TMEM272: variants seen among roughly 807,000 people sequenced by gnomAD.
TMEM272 encodes the protein long intergenic non-protein coding RNA 282.
In TMEM272, 8 loss-of-function variants were observed where a neutral mutation model predicts 3.7. The ratio of observed to expected loss-of-function variants is 2.17; its 90% CI spans 1.27 to 3.91. The LOEUF is 3.91. TMEM272 is among the 30% of genes most tolerant of loss of function. The pLI is 0.00. For synonymous variants in TMEM272, 63 were observed against 39.8 expected (o/e 1.58, Z -2.20); for missense variants, 166 against 91.5 (o/e 1.81, Z -3.32).
chr13:51,905,966 G>A, the TMEM272 span, among the ~76,000 whole-genome samples: 256 of 152,340 alleles, frequency 1.7e-3, 1 homozygote, highest in African/African-American at 5.9e-3. Context: ...GACTCACCAG[G>A]ATGAAGCTCC....
the TMEM272 span, among the ~76,000 whole-genome samples, chr13:51,914,196 G>A: frequency 7.8e-3 from 1,183 of 152,340 alleles, 7 homozygotes; most frequent in African/African-American, 0.025. Flanking sequence ...ACAATCACCA[G>A]TTCCACGGGT....
the TMEM272 span, among the ~76,000 whole-genome samples, chr13:51,887,194 T>C: frequency 3.3e-5 from 5 of 152,210 alleles, no homozygotes; most frequent in South Asian, 6.2e-4. Flanking sequence ...GGTGGTCTTA[T>C]GGGGGAGTTG....
chr13:51,834,249 C>T (rs1956196545), intron 2 of TMEM272, among the ~76,000 whole-genome samples: 1 of 152,188 alleles, frequency 6.6e-6, no homozygotes, highest in Non-Finnish European at 1.5e-5. Flanking sequence ...AAACTGTGTC[C>T]TGGAAGCTAC....
At chr13:51,880,142 T>C in the TMEM272 span, among the ~76,000 whole-genome samples, 1 of 152,186 alleles carries the variant, frequency 6.6e-6, no homozygotes. Context: ...TTGAGAACAT[T>C]AGTAATAGAA....
upstream of TMEM272, among the ~76,000 whole-genome samples, chr13:51,848,125 A>G (rs1237931897): frequency 6.6e-6 from 1 of 152,224 alleles, no homozygotes; most frequent in Non-Finnish European, 1.5e-5. Context: ...GCCACGGAAG[A>G]GCTGAAAAGT....
chr13:51,909,320 A>G, the TMEM272 span: 2 of 924,352 alleles, frequency 2.2e-6, no homozygotes, highest in South Asian at 2.6e-5. Flanking sequence ...CTTCTTCAAG[A>G]TCTTTGGCTC....
intron 1 of TMEM272, 62 bp from the exon 2 acceptor site, chr13:51,838,615 C>T (rs972340574): frequency 5.7e-6 from 4 of 702,680 alleles, no homozygotes; most frequent in Middle Eastern, 2.3e-4. Context: ...CACCAATAAC[C>T]AACCCTCTCT....
At chr13:51,865,399 G>A in the TMEM272 span, 1 of 1,600,668 alleles carries the variant, frequency 6.2e-7, no homozygotes, top group Non-Finnish European at 8.5e-7. Flanking sequence ...CGCCATTCCG[G>A]CTGATAAGGA....
intron 2 of TMEM272, among the ~76,000 whole-genome samples, chr13:51,835,147 G>C (rs1956204373): frequency 6.6e-6 from 1 of 152,004 alleles, no homozygotes; most frequent in Non-Finnish European, 1.5e-5. Context: ...ATGTGGATAG[G>C]GACAGCACCA....
the TMEM272 span, among the ~76,000 whole-genome samples, chr13:51,925,280 A>G: frequency 6.6e-6 from 1 of 152,210 alleles, no homozygotes; most frequent in Non-Finnish European, 1.5e-5. Context: ...ACTGACTTCT[A>G]AAACTGATTA....
At chr13:51,887,904 C>T in the TMEM272 span, among the ~76,000 whole-genome samples, 1 of 152,186 alleles carries the variant, frequency 6.6e-6, no homozygotes, top group Non-Finnish European at 1.5e-5. Context: ...CCTCCCAATG[C>T]CCAGTCATCT....
intron 3 of TMEM272, among the ~76,000 whole-genome samples, chr13:51,822,799 T>C (rs1019528337): frequency 5.3e-5 from 8 of 152,256 alleles, no homozygotes; most frequent in Non-Finnish European, 1.2e-4. Context: ...CCTTTCTTAA[T>C]GGTAGTTTTT....
At chr13:51,867,943 C>T in the TMEM272 span, among the ~76,000 whole-genome samples, 1 of 152,140 alleles carries the variant, frequency 6.6e-6, no homozygotes, top group Admixed American at 6.5e-5. Context: ...AGAGATTCTG[C>T]CAAAGACAAA....
the TMEM272 span, among the ~76,000 whole-genome samples, chr13:51,915,079 AAGT>A: frequency 6.6e-6 from 1 of 152,254 alleles, no homozygotes; most frequent in African/African-American, 2.4e-5. Context: ...AAGAGCTGGA[AAGT>A]ACCGCAAAAA....
the TMEM272 span, among the ~76,000 whole-genome samples, chr13:51,904,623 G>A: frequency 6.6e-6 from 1 of 152,166 alleles, no homozygotes; most frequent in African/African-American, 2.4e-5. Flanking sequence ...TACAGGTTGA[G>A]CAATCCAAAA....
intron 2 of TMEM272, among the ~76,000 whole-genome samples, chr13:51,837,560 C>T (rs916713475): frequency 2.0e-5 from 3 of 152,150 alleles, no homozygotes; most frequent in Non-Finnish European, 4.4e-5. Flanking sequence ...GGCCCATCAG[C>T]GAATGGAGAA....
chr13:51,928,982 A>C, the TMEM272 span, among the ~76,000 whole-genome samples: 1 of 152,214 alleles, frequency 6.6e-6, no homozygotes, highest in Non-Finnish European at 1.5e-5. Flanking sequence ...GGGGATCACG[A>C]GGTCAGGAGA....
the TMEM272 span, among the ~76,000 whole-genome samples, chr13:51,927,115 A>G: frequency 0.45 from 68,130 of 151,984 alleles, 15,345 homozygotes; most frequent in Admixed American, 0.5. Flanking sequence ...ACATGTTAAC[A>G]TTTTTAGCTG....
In TMEM272 at chr13:51,821,283, G is replaced by A. The variant is rs565418384; in HGVS notation, c.201+772C>T. On this transcript the variant is annotated intron_variant, in intron 4 of 4. Transcript: ENST00000629372. ...ATATAGAAAGTGGTGAGGTGGGCTT[G>A]GAAGACTGGGAAGAGTTGTTGATAG... Among the ~76,000 whole-genome samples, 6 of 152,298 alleles carry A rather than the reference G, an allele frequency of 3.9e-5. No homozygotes were observed. The South Asian group carries it at 1.2e-3, about 32-fold the overall frequency.
Sources: allele counts gnomAD v4.1 joint callset (sites outside exome capture counted in the v4.1 genomes callset), GRCh38; gene constraint gnomAD v4.1.1; transcripts MANE v1.5; gene names NCBI Gene and HGNC (gene_info 2026-07-23, HGNC 2026-07-21).